Variants in TNFRSF13B observed in about 807,000 individuals in gnomAD.
TNFRSF13B encodes TNF receptor superfamily member 13B, also known as tumor necrosis factor receptor superfamily member 13B.
A neutral mutation model predicts 24.0 loss-of-function variants in TNFRSF13B; 34 were observed. The observed-to-expected ratio is 1.41, with a 90% CI of 1.08 to 1.88. The LOEUF is 1.88. TNFRSF13B is among the 40% of genes most tolerant of loss of function. The pLI is 0.00. For missense variants in TNFRSF13B, 415 were observed against 380.8 expected (o/e 1.09, Z -0.75); for synonymous variants, 173 against 150.3 (o/e 1.15, Z -1.10).
chr17:16,966,837 TTC>T (rs1302104452), intron 1 of TNFRSF13B, among the ~76,000 whole-genome samples: 13,388 of 38,104 alleles, frequency 0.35, 1,514 homozygotes, highest in East Asian at 0.61. Flanking sequence ...TTTTTCTTTT[TTC>T]TTTTTTTTTT....
At chr17:16,952,710 G>T in intron 1 of TNFRSF13B, 127 bp from the exon 2 acceptor site, 1 of 1,442,386 alleles carries the variant, frequency 6.9e-7, no homozygotes, top group Non-Finnish European at 9.5e-7. Flanking sequence ...GAGGAGCAGA[G>T]AGGGCAGACA....
chr17:16,971,372 C>G (rs8067937), intron 1 of TNFRSF13B, among the ~76,000 whole-genome samples: 1 of 52,004 alleles, frequency 1.9e-5, no homozygotes, highest in Non-Finnish European at 3.2e-5. Flanking sequence ...AAAAACAAAA[C>G]AACAAAACAA....
rs2087595252 is a variant in TNFRSF13B at position 16,952,441 on chromosome 17, C to T, written c.199+5G>A. 6.2e-7 allele frequency: 1 copy of T among 1,614,024 alleles called. No individual in the cohort carries two copies. The highest frequency in any genetic ancestry group is 1.1e-5 in the South Asian group (1 of 91,074). On this transcript the variant is annotated splice_donor_5th_base_variant and intron_variant, in intron 2 of 4. Coordinates refer to ENST00000261652, the MANE Select transcript of TNFRSF13B (RefSeq NM_012452.3). ...TGTCCCCTCGGCTCAGGCCCCAGAA[C>T]TCACTGCAGAAGGCTGCACAGGTGC...
chr17:16,966,717 T>G (rs2087702153), intron 1 of TNFRSF13B, among the ~76,000 whole-genome samples: 1 of 152,118 alleles, frequency 6.6e-6, no homozygotes, highest in African/African-American at 2.4e-5. Flanking sequence ...GTGATTAAAC[T>G]TTGAAATTTA....
At chr17:16,943,315 A>T (rs954203786) in intron 3 of TNFRSF13B, among the ~76,000 whole-genome samples, 3 of 152,178 alleles carry the variant, frequency 2.0e-5, no homozygotes, top group African/African-American at 7.2e-5. Flanking sequence ...AGAGGCAGAG[A>T]TGGGAGTGAT....
At position 16,948,882 on chromosome 17, in the gene TNFRSF13B, C is replaced by A. The variant is rs2087568342; in HGVS notation, c.301G>T (p.Ala101Ser). The A allele has an allele frequency of 6.2e-7, 1 of 1,614,218 alleles. No individual in the cohort carries two copies. The highest frequency in any genetic ancestry group is 1.3e-5 in the African/African-American group (1 of 75,052). Residue 101 changes from alanine (A) to serine (S), a missense_variant, in exon 3 of 5, where the codon GCA becomes TCA. Physicochemically the swap from Ala to Ser is moderately conservative, Grantham distance 99. Transcript: ENST00000261652. ...SICGQHPKQC[A>S]YFCENKLRSP... ...CTGAGCTTGTTCTCACAGAAGTATG[C>A]ACATTGCTTAGGGTGCTGTCCACAG...
intron 1 of TNFRSF13B, among the ~76,000 whole-genome samples, chr17:16,959,706 C>T (rs1033003676): frequency 6.6e-6 from 1 of 151,976 alleles, no homozygotes; most frequent in Non-Finnish European, 1.5e-5. Context: ...AACAATGGTA[C>T]ACCAACAAAT....
chr17:16,944,085 G>A (rs993917691), intron 3 of TNFRSF13B, among the ~76,000 whole-genome samples: 3 of 152,166 alleles, frequency 2.0e-5, no homozygotes, highest in Admixed American at 6.5e-5. Flanking sequence ...CATGTGGAGC[G>A]GTCAGTCTCT....
At chr17:16,950,379 A>G (rs1279607374) in intron 2 of TNFRSF13B, among the ~76,000 whole-genome samples, 2 of 152,214 alleles carry the variant, frequency 1.3e-5, no homozygotes, top group African/African-American at 4.8e-5. Flanking sequence ...CACATACTAA[A>G]TGCTCACGTA....
chr17:16,941,694 G>A lies in TNFRSF13B; in HGVS notation c.446-1183C>T, dbSNP rs192501843. 2.0e-5 allele frequency among the ~76,000 whole-genome samples: 3 copies of A among 152,276 alleles called. No homozygotes were observed. The East Asian group carries it at 5.8e-4, about 29-fold the overall frequency. Reference sequence around the variant, plus strand: ...TTTTAGCACATCACAAGGTTGTGCAGCAATGGCAACTGTCTAATTGGAGAC... The same window carrying A: ...TTTTAGCACATCACAAGGTTGTGCAACAATGGCAACTGTCTAATTGGAGAC... On this transcript the variant is annotated intron_variant, in intron 3 of 4. Coordinates refer to ENST00000261652, the MANE Select transcript of TNFRSF13B (RefSeq NM_012452.3).
chr17:16,955,674 C>G (rs908115399), intron 1 of TNFRSF13B, among the ~76,000 whole-genome samples: 1 of 152,198 alleles, frequency 6.6e-6, no homozygotes, highest in African/African-American at 2.4e-5. Context: ...CAAGACATCT[C>G]AAAAGCAATC....
intron 1 of TNFRSF13B, among the ~76,000 whole-genome samples, chr17:16,969,824 C>A (rs1476971548): frequency 1.3e-5 from 2 of 152,088 alleles, no homozygotes; most frequent in African/African-American, 4.8e-5. Flanking sequence ...TATTCAAAGG[C>A]AAATCTAAAA....
intron 1 of TNFRSF13B, among the ~76,000 whole-genome samples, chr17:16,967,773 G>A (rs868498328): frequency 1.8e-3 from 191 of 104,460 alleles, no homozygotes; most frequent in African/African-American, 4.5e-3. Flanking sequence ...AAAAAAAAAA[G>A]AAAGAAAGAA....
chr17:16,962,531 A>G (rs1259227702), intron 1 of TNFRSF13B, among the ~76,000 whole-genome samples: 4 of 152,172 alleles, frequency 2.6e-5, no homozygotes, highest in Non-Finnish European at 5.9e-5. Context: ...AAGAAAGAAA[A>G]AAAAAAGAAA....
At chr17:16,949,886 G>T (rs528988545) in intron 2 of TNFRSF13B, among the ~76,000 whole-genome samples, 1 of 151,838 alleles carries the variant, frequency 6.6e-6, no homozygotes, top group African/African-American at 2.4e-5. Flanking sequence ...GACTTTCGCC[G>T]TGTTGGCCAG....
At chr17:16,959,256 A>G (rs2087645441) in intron 1 of TNFRSF13B, among the ~76,000 whole-genome samples, 1 of 152,074 alleles carries the variant, frequency 6.6e-6, no homozygotes, top group Non-Finnish European at 1.5e-5. Context: ...GACAGGGGAA[A>G]TTATAAAATA....
chr17:16,957,308 C>T (rs138895405), intron 1 of TNFRSF13B, among the ~76,000 whole-genome samples: 104 of 150,000 alleles, frequency 6.9e-4, no homozygotes, highest in African/African-American at 2.4e-3. Context: ...AAACTTAAAA[C>T]AATTGAAATA....
At chr17:16,943,958 A>G (rs2087529566) in intron 3 of TNFRSF13B, among the ~76,000 whole-genome samples, 1 of 152,126 alleles carries the variant, frequency 6.6e-6, no homozygotes, top group Admixed American at 6.6e-5. Flanking sequence ...ACCCCACGCC[A>G]GTCTCCTCTC....
intron 1 of TNFRSF13B, among the ~76,000 whole-genome samples, chr17:16,971,318 C>T (rs1199904136): frequency 4.6e-5 from 7 of 151,688 alleles, no homozygotes; most frequent in Non-Finnish European, 1.0e-4. Flanking sequence ...CATTGCACTC[C>T]AACCTGGGTG....
Sources: gnomAD v4.1 joint callset for allele counts (sites outside exome capture counted in the v4.1 genomes callset) on GRCh38, gnomAD v4.1.1 for gene constraint, MANE v1.5 for transcripts, NCBI Gene and HGNC (gene_info 2026-07-23, HGNC 2026-07-21) for gene names.